Variants in SCYL2 observed in about 807,000 individuals in gnomAD.
SCYL2 encodes the protein SCY1 like pseudokinase 2, also known as SCY1-like protein 2.
SCYL2 carries 36 observed loss-of-function variants against 100.4 expected under a neutral mutation model. That is an observed-to-expected ratio of 0.36 (90% CI 0.27 to 0.47). SCYL2 has a LOEUF of 0.47. Among genes scored for constraint, SCYL2 ranks in the 20% least tolerant of loss-of-function variants. SCYL2 has a pLI of 1.00. For synonymous variants in SCYL2, 330 were observed against 359.2 expected, an observed-to-expected ratio of 0.92 and a Z score of 0.92; for missense variants, 902 against 1,083.9, an observed-to-expected ratio of 0.83 and a Z score of 2.36.
chr12:100,308,237 C>G (rs547634314), intron 4 of SCYL2, among the ~76,000 whole-genome samples: 1 of 152,230 alleles, frequency 6.6e-6, no homozygotes, highest in Admixed American at 6.5e-5. Context: ...GGAACCAACC[C>G]AAATGCCCAT....
Position 100,267,199 on chromosome 12 carries a change from T to G in SCYL2, c.-622T>G. On this transcript the variant is annotated 5_prime_UTR_variant, in exon 1 of 18. Transcript: ENST00000360820. ...TTTAGTCTTTTTCCCCCTCCCTTAC[T>G]CTTCGTCCCCGGTCCCTCCCCTCCC... is the stretch of plus-strand genomic sequence containing the variant. 1 of 1,067,318 alleles carries G rather than the reference T, an allele frequency of 9.4e-7. No individual in the cohort carries two copies. 66.1% of individuals were successfully genotyped at this position (1,067,318 alleles called of 1,614,324 possible). A position where few individuals can be genotyped will look rare whatever the true frequency, so the allele number is the denominator to read the frequency against.
Position 100,339,016 on chromosome 12 carries a change from C to T in SCYL2, c.2634C>T (p.Gly878=). ...FVPPQGSPTM[G]SSVMGTQMNV... Reference sequence around the variant, plus strand: ...CTCCTCAAGGTTCTCCAACTATGGGCAGTTCAGTAATGGGGACACAGATGA... The same window carrying T: ...CTCCTCAAGGTTCTCCAACTATGGGTAGTTCAGTAATGGGGACACAGATGA... Residue 878 remains glycine, a synonymous_variant, in exon 18 of 18, where the codon GGC becomes GGT. Transcript: ENST00000360820. The T allele has an allele frequency of 1.9e-6, 3 of 1,614,122 alleles. No homozygotes were observed. Among genetic ancestry groups the T allele is most frequent in the Non-Finnish European group, 8.5e-7 (1 of 1,179,984 alleles).
At chr12:100,336,836 A>G (rs1952283911) in intron 16 of SCYL2, among the ~76,000 whole-genome samples, 1 of 152,144 alleles carries the variant, frequency 6.6e-6, no homozygotes, top group Non-Finnish European at 1.5e-5. Context: ...GCATTCTTCT[A>G]TTCATTCATA....
At chr12:100,304,834 A>G (rs2096332256) in intron 4 of SCYL2, among the ~76,000 whole-genome samples, 1 of 152,150 alleles carries the variant, frequency 6.6e-6, no homozygotes. Flanking sequence ...AAAGCAAAAA[A>G]AAAAGCGGGG....
chr12:100,271,260 C>CAAAAGAAAAAAAAAAA (rs2096287338), intron 1 of SCYL2, among the ~76,000 whole-genome samples: 1 of 83,338 alleles, frequency 1.2e-5, no homozygotes, highest in African/African-American at 5.3e-5. Context: ...TGCAGAGCAG[C>CAAAAGAAAAAAAAAAA]AAAAAAAAAA....
At chr12:100,274,235 AT>A (rs2096290355) in intron 1 of SCYL2, among the ~76,000 whole-genome samples, 1 of 152,162 alleles carries the variant, frequency 6.6e-6, no homozygotes, top group Non-Finnish European at 1.5e-5. Context: ...GTCTTCAAAT[AT>A]TTTTGCTTGT....
chr12:100,339,424 T>G lies in SCYL2; in HGVS notation c.*252T>G. 2.4e-6 allele frequency: 1 copy of G among 422,868 alleles called. No individual in the cohort carries two copies. The highest frequency in any genetic ancestry group is 4.2e-6 in the Non-Finnish European group (1 of 238,542). The allele number at this position is 422,868 out of a possible 1,614,324, so 26.2% of individuals were successfully genotyped here. A position where few individuals can be genotyped will look rare whatever the true frequency, so the allele number is the denominator to read the frequency against. On this transcript the variant is annotated 3_prime_UTR_variant, in exon 18 of 18. Coordinates refer to ENST00000360820, the MANE Select transcript of SCYL2 (RefSeq NM_017988.6). ...TTTAAAGACCCAGCCCTTCCCAATC[T>G]CAAAGAGAAAAAGGAAACTGAGTTA...
intron 10 of SCYL2, among the ~76,000 whole-genome samples, chr12:100,322,056 A>G (rs1398553822): frequency 6.6e-6 from 1 of 150,948 alleles, no homozygotes; most frequent in Non-Finnish European, 1.5e-5. Context: ...AAAAAAAAAA[A>G]AAAAGAAAAA....
intron 16 of SCYL2, among the ~76,000 whole-genome samples, chr12:100,337,133 T>C (rs973962080): frequency 1.3e-5 from 2 of 152,156 alleles, no homozygotes; most frequent in African/African-American, 4.8e-5. Flanking sequence ...TGGAAAAAAG[T>C]GATTCTAATG....
chr12:100,335,957 TC>T lies in SCYL2; in HGVS notation c.2025+53del, dbSNP rs1952271823. The stretch of plus-strand genomic sequence containing the variant: ...CCCTCTTATTTTATGCTGTAGGACT[TC>T]CTGTAAACCACAGATTTTTGTTGGG... On this transcript the variant is annotated intron_variant, in intron 16 of 17. Coordinates refer to ENST00000360820, the MANE Select transcript of SCYL2 (RefSeq NM_017988.6). 7 of 1,325,338 alleles carry T rather than the reference TC, an allele frequency of 5.3e-6. No homozygotes were observed. In the East Asian group the frequency reaches 1.6e-4, roughly 31 times the overall value. 82.1% of individuals were successfully genotyped at this position (1,325,338 alleles called of 1,614,324 possible).
At chr12:100,278,281 C>T (rs2096294585) in intron 1 of SCYL2, among the ~76,000 whole-genome samples, 1 of 152,078 alleles carries the variant, frequency 6.6e-6, no homozygotes, top group Non-Finnish European at 1.5e-5. Flanking sequence ...CTCACTGCAG[C>T]CTCCACCTCC....
At chr12:100,282,888 A>C in intron 1 of SCYL2, 55 bp from the exon 2 acceptor site, 2 of 781,338 alleles carry the variant, frequency 2.6e-6, no homozygotes, top group Non-Finnish European at 3.9e-6. Context: ...ACTATGAATA[A>C]ATGCTTATAT....
intron 10 of SCYL2, among the ~76,000 whole-genome samples, chr12:100,322,607 AT>A (rs2096357351): frequency 6.6e-6 from 1 of 151,942 alleles, no homozygotes; most frequent in Non-Finnish European, 1.5e-5. Context: ...AAATTGAAAA[AT>A]TAGCTGGGCA....
intron 4 of SCYL2, among the ~76,000 whole-genome samples, chr12:100,304,439 C>T (rs948127580): frequency 6.6e-6 from 1 of 152,088 alleles, no homozygotes; most frequent in African/African-American, 2.4e-5. Flanking sequence ...GTGGGAAAAG[C>T]ATAGTATCTG....
intron 4 of SCYL2, among the ~76,000 whole-genome samples, chr12:100,309,230 C>T (rs2096338858): frequency 6.6e-6 from 1 of 152,084 alleles, no homozygotes; most frequent in African/African-American, 2.4e-5. Flanking sequence ...ACTCTGCCCT[C>T]TTCCATCTTA....
At chr12:100,300,353 T>G (rs1194606669) in intron 4 of SCYL2, among the ~76,000 whole-genome samples, 1 of 152,202 alleles carries the variant, frequency 6.6e-6, no homozygotes. Context: ...TTTTTAAAAA[T>G]TATTTTTAAT....
intron 17 of SCYL2, 35 bp downstream of exon 17, chr12:100,337,541 T>C (rs2135947253): frequency 1.2e-6 from 2 of 1,602,954 alleles, no homozygotes; most frequent in East Asian, 2.2e-5. Flanking sequence ...ATTTCCAGAA[T>C]ACGACTGTTA....
intron 14 of SCYL2, among the ~76,000 whole-genome samples, chr12:100,334,840 C>T (rs958149860): frequency 2.6e-5 from 4 of 151,960 alleles, no homozygotes; most frequent in African/African-American, 7.2e-5. Context: ...CCACTATATT[C>T]TTTGCTCCAG....
intron 17 of SCYL2, 119 bp from the exon 18 acceptor site, chr12:100,338,409 G>A (rs1196305174): frequency 1.2e-6 from 1 of 829,008 alleles, no homozygotes; most frequent in Non-Finnish European, 1.8e-6. Flanking sequence ...TTGCTAATTT[G>A]GTGTAGACCA....
Sources: gnomAD v4.1 joint callset for allele counts (sites outside exome capture counted in the v4.1 genomes callset) on GRCh38, gnomAD v4.1.1 for gene constraint, MANE v1.5 for transcripts, NCBI Gene and HGNC (gene_info 2026-07-23, HGNC 2026-07-21) for gene names.